Variants in PSPH observed in about 807,000 individuals in gnomAD.
PSPH encodes L-3-phosphoserine phosphatase.
PSPH carries 16 observed loss-of-function variants against 23.4 expected under a neutral mutation model. That is an observed-to-expected ratio of 0.68 (90% CI 0.46 to 1.04). The LOEUF (loss-of-function observed/expected upper bound fraction) is 1.04, where lower values mean the gene tolerates loss of function less well. Among genes scored for constraint, PSPH ranks in the 50% least tolerant of loss-of-function variants. The probability of loss-of-function intolerance (pLI) is 0.00; values close to 1 mark genes in which losing one functional copy is unlikely to be tolerated. For synonymous variants in PSPH, 68 were observed against 99.7 expected (o/e 0.68, Z 1.89); for missense variants, 223 against 273.7 (o/e 0.81, Z 1.31).
Position 56,015,175 on chromosome 7 carries a change from A to C in PSPH, c.422-4T>G, listed in dbSNP as rs1255771879. ...TCATCAAAACCTGCATATTCACCTT[A>C]AAAGAGAAATAAAAATAGGGTTAAA... On this transcript the variant is annotated splice_region_variant and splice_polypyrimidine_tract_variant and intron_variant, in intron 6 of 7. Transcript: ENST00000275605. 1.2e-5 allele frequency: 19 copies of C among 1,613,710 alleles called. No individual in the cohort carries two copies. The highest frequency in any genetic ancestry group is 1.5e-5 in the Non-Finnish European group (18 of 1,179,832).
At chr7:56,027,791 G>T (rs1790417871) in intron 3 of PSPH, among the ~76,000 whole-genome samples, 1 of 142,352 alleles carries the variant, frequency 7.0e-6, no homozygotes, top group African/African-American at 2.6e-5. Flanking sequence ...GCTCACACTT[G>T]TAATAATCCC....
In PSPH at chr7:56,032,053, G is replaced by GCCTA. The variant is rs1356231130; in HGVS notation, c.-145-3_-145dup. On this transcript the variant is annotated splice_region_variant and 5_prime_UTR_variant, in exon 3 of 8. Coordinates refer to ENST00000275605, the MANE Select transcript of PSPH (RefSeq NM_004577.4). ...ACCTGTGGATTCTGCAAGAGCAAGA[G>GCCTA]CCTAGAAAGAGAGAATGAGGAAATG... The GCCTA allele has an allele frequency of 1.3e-5, 2 of 152,824 alleles. No individual in the cohort carries two copies. The highest frequency in any genetic ancestry group is 2.9e-5 in the Non-Finnish European group (2 of 68,054). The allele number at this position is 152,824 out of a possible 1,614,324, so 9.5% of individuals were successfully genotyped here.
chr7:56,031,322 G>A lies in PSPH; in HGVS notation c.-20+607C>T, dbSNP rs116791581. ...TGAGAAACTACCTACTGGGTACTGC[G>A]CTCAAACCCTGGGTGATGGGATCAA... On this transcript the variant is annotated intron_variant, in intron 3 of 7. Coordinates refer to ENST00000275605, the MANE Select transcript of PSPH (RefSeq NM_004577.4). Among the ~76,000 whole-genome samples, 1,238 of 152,218 alleles carry A rather than the reference G, an allele frequency of 8.1e-3. 17 individuals carry two copies. The highest frequency in any genetic ancestry group is 0.029 in the African/African-American group (1,184 of 41,536).
chr7:56,021,285 A>G, intron 3 of PSPH, 54 bp from the exon 4 acceptor site: 3 of 1,530,966 alleles, frequency 2.0e-6, no homozygotes, highest in Non-Finnish European at 2.7e-6. Flanking sequence ...TTATGAAAAG[A>G]TCCCACCTTG....
rs1004000105 is a variant in PSPH, at chr7:56,047,221, A to C, written c.-292+3917T>G. ...CAACATAGCATGACCTTCTCTCTAC[A>C]AAAAAAAAAAAAAGTTTTAAATTAG... is the stretch of plus-strand genomic sequence containing the variant. On this transcript the variant is annotated intron_variant, in intron 1 of 7. Transcript: ENST00000275605. Among the ~76,000 whole-genome samples the C allele has an allele frequency of 5.8e-4, 82 of 142,362 alleles. 1 individual carries two copies. Among genetic ancestry groups the C allele is most frequent in the Non-Finnish European group, 9.3e-5 (6 of 64,748 alleles). 93.4% of individuals were successfully genotyped at this position (142,362 alleles called of 152,430 possible). A position where few individuals can be genotyped will look rare whatever the true frequency, so the allele number is the denominator to read the frequency against.
chr7:56,013,190 CACAT>C (rs1248889547), intron 7 of PSPH, among the ~76,000 whole-genome samples: 75 of 135,730 alleles, frequency 5.5e-4, no homozygotes, highest in African/African-American at 1.9e-3. Flanking sequence ...CACACACACA[CACAT>C]ATATATAGCA....
chr7:56,040,053 C>A (rs969069390), intron 1 of PSPH, among the ~76,000 whole-genome samples: 1 of 150,504 alleles, frequency 6.6e-6, no homozygotes, highest in African/African-American at 2.4e-5. Context: ...GAGCTGAGAT[C>A]GTGCCACTGC....
chr7:56,043,771 T>C (rs1157419580), intron 1 of PSPH, among the ~76,000 whole-genome samples: 3 of 151,488 alleles, frequency 2.0e-5, no homozygotes, highest in East Asian at 3.9e-4. Context: ...GAAGCTGCAG[T>C]GAGCTGTGAT....
chr7:56,048,005 G>A (rs1015584719), intron 1 of PSPH, among the ~76,000 whole-genome samples: 1 of 151,964 alleles, frequency 6.6e-6, no homozygotes, highest in Non-Finnish European at 1.5e-5. Context: ...CAGGCCAGGC[G>A]TGGTGGCTCA....
intron 1 of PSPH, among the ~76,000 whole-genome samples, chr7:56,050,916 C>T (rs1346442201): frequency 2.0e-5 from 3 of 152,084 alleles, no homozygotes; most frequent in African/African-American, 7.2e-5. Context: ...CGGTGGCTCA[C>T]GCCTGTAATC....
In PSPH at chr7:56,046,850, C is replaced by G. The variant is rs561176595; in HGVS notation, c.-292+4288G>C. ...GATTATAGACATCAGCCACTACACC[C>G]AGCTGAAATCTATTGTTTTCATACC... On this transcript the variant is annotated intron_variant, in intron 1 of 7. Coordinates refer to ENST00000275605, the MANE Select transcript of PSPH (RefSeq NM_004577.4). 1.2e-4 allele frequency among the ~76,000 whole-genome samples: 18 copies of G among 151,660 alleles called. No individual in the cohort carries two copies. In the East Asian group the frequency reaches 3.3e-3, roughly 28 times the overall value.
chr7:56,040,024 G>A (rs1562824674), intron 1 of PSPH, among the ~76,000 whole-genome samples: 1 of 151,686 alleles, frequency 6.6e-6, no homozygotes, highest in African/African-American at 2.4e-5. Flanking sequence ...GCGTGAACCT[G>A]GGAGGCAGAG....
intron 7 of PSPH, among the ~76,000 whole-genome samples, chr7:56,013,015 T>TACACACATATACTATATATGTATATATAC (rs1788087390): frequency 6.7e-6 from 1 of 150,304 alleles, no homozygotes; most frequent in African/African-American, 2.4e-5. Context: ...ATTATATATA[T>TACACACATATACTATATATGTATATATAC]ACACACATAT....
At chr7:56,020,032 C>T (rs369531677) in intron 4 of PSPH, among the ~76,000 whole-genome samples, 27 of 152,190 alleles carry the variant, frequency 1.8e-4, no homozygotes, top group African/African-American at 6.5e-4. Flanking sequence ...GCCTGGTCAA[C>T]ATGACAAAAC....
Position 56,019,742 on chromosome 7 carries a change from G to C in PSPH, c.141-8C>G. On this transcript the variant is annotated splice_polypyrimidine_tract_variant and splice_region_variant and intron_variant, in intron 4 of 7. Coordinates refer to ENST00000275605, the MANE Select transcript of PSPH (RefSeq NM_004577.4). ...CCCATGGCTCGCCGTGTCCTAGGAG[G>C]GAGACCCAACAGTCAGGCCAGCCAG... The C allele has an allele frequency of 6.2e-7, 1 of 1,612,566 alleles. No individual in the cohort carries two copies. Among genetic ancestry groups the C allele is most frequent in the South Asian group, 1.1e-5 (1 of 91,050 alleles).
At chr7:56,014,423 GTTT>G (rs1788323988) in intron 7 of PSPH, among the ~76,000 whole-genome samples, 1 of 152,146 alleles carries the variant, frequency 6.6e-6, no homozygotes, top group African/African-American at 2.4e-5. Context: ...GATTGAATGT[GTTT>G]TTATTACTTC....
At chr7:56,016,129 T>C (rs1013893874) in intron 6 of PSPH, among the ~76,000 whole-genome samples, 19 of 150,990 alleles carry the variant, frequency 1.3e-4, no homozygotes, top group Non-Finnish European at 2.4e-4. Flanking sequence ...TAACATACAG[T>C]GGCTCACGCC....
chr7:56,036,455 A>G (rs1345957832), intron 1 of PSPH, among the ~76,000 whole-genome samples: 2 of 151,976 alleles, frequency 1.3e-5, no homozygotes, highest in East Asian at 3.9e-4. Flanking sequence ...AAAATTTCAG[A>G]TAAAATATTT....
chr7:56,021,358 A>G, intron 3 of PSPH, 127 bp from the exon 4 acceptor site: 2 of 679,286 alleles, frequency 2.9e-6, no homozygotes, highest in Non-Finnish European at 4.1e-6. Context: ...GTTCTCACAG[A>G]TTCATTTTTT....
Sources: gnomAD v4.1 joint callset for allele counts (sites outside exome capture counted in the v4.1 genomes callset) on GRCh38, gnomAD v4.1.1 for gene constraint, MANE v1.5 for transcripts, NCBI Gene and HGNC (gene_info 2026-07-23, HGNC 2026-07-21) for gene names.